Variants in RPS6KA1 observed in about 807,000 individuals in gnomAD.
The protein encoded by RPS6KA1 is ribosomal protein S6 kinase alpha-1.
Under a neutral mutation model 91.3 loss-of-function variants are expected in RPS6KA1, and 48 were observed. That is an observed-to-expected ratio of 0.53 (90% CI 0.42 to 0.67). The LOEUF (loss-of-function observed/expected upper bound fraction) is 0.67. Ranked by LOEUF, RPS6KA1 falls within the 30% of genes least tolerant of loss-of-function variation. RPS6KA1 has a pLI of 0.00. For missense variants in RPS6KA1, 719 were observed against 960.5 expected, an observed-to-expected ratio of 0.75 and a Z score of 3.32; for synonymous variants, 359 against 384.7, an observed-to-expected ratio of 0.93 and a Z score of 0.78.
chr1:26,531,393 T>A (rs2075866579), intron 1 of RPS6KA1: 1 of 152,214 alleles, frequency 6.6e-6, no homozygotes, highest in Non-Finnish European at 1.5e-5. Context: ...AGAGGTGGAT[T>A]CCTTTGCCCA....
chr1:26,574,050 G>A lies in RPS6KA1; in HGVS notation c.2086-29G>A, dbSNP rs1451518418. 6.2e-7 allele frequency: 1 copy of A among 1,607,828 alleles called. No homozygotes were observed. Among genetic ancestry groups the A allele is most frequent in the African/African-American group, 1.3e-5 (1 of 74,922 alleles). On this transcript the variant is annotated intron_variant, in intron 21 of 21. Transcript: ENST00000374168. The surrounding 1 kb of genome is among the most constrained non-coding windows in gnomAD (Gnocchi z 4.3). ...CCTCCCCGCTACATCTCCCACCATTGTGACCTGACCTCCCCACTTCTCTTT... is the reference window on the plus strand; with the variant it reads ...CCTCCCCGCTACATCTCCCACCATTATGACCTGACCTCCCCACTTCTCTTT...
At chr1:26,537,299 G>T (rs1001484993) in intron 2 of RPS6KA1, among the ~76,000 whole-genome samples, 1 of 152,218 alleles carries the variant, frequency 6.6e-6, no homozygotes, top group South Asian at 2.1e-4. Flanking sequence ...GAGGGGCTCA[G>T]GCCAGCTGTC....
chr1:26,553,892 T>C, intron 7 of RPS6KA1: 1 of 312,108 alleles, frequency 3.2e-6, no homozygotes, highest in South Asian at 6.3e-5. Context: ...AGCCCTGTAT[T>C]CAAATCCTGT....
Position 26,554,792 on chromosome 1 carries a change from C to T in RPS6KA1, c.756+54C>T, listed in dbSNP as rs539148551. 7.1e-6 allele frequency: 11 copies of T among 1,553,070 alleles called. No homozygotes were observed. Among genetic ancestry groups the T allele is most frequent in the Non-Finnish European group, 9.6e-6 (11 of 1,144,220 alleles). ...CAGCCCAAGCCTCTGGCCTCAGTCT[C>T]CCTATCTGTACAGTGAGGGGGTTGA... On this transcript the variant is annotated intron_variant, in intron 9 of 21. Coordinates refer to ENST00000374168, the MANE Select transcript of RPS6KA1 (RefSeq NM_002953.4). The surrounding 1 kb of genome is among the most constrained non-coding windows in gnomAD (Gnocchi z 4.6).
chr1:26,556,737 A>G lies in RPS6KA1; in HGVS notation c.981+19A>G. On this transcript the variant is annotated intron_variant, in intron 12 of 21. Transcript: ENST00000374168. ...CTGGAATGTGAGTGTGTCCACCCAC[A>G]CCAGGGCTCTGGCCAGGGCTCAGCC... The G allele has an allele frequency of 6.2e-7, 1 of 1,613,840 alleles. No homozygotes were observed. Among genetic ancestry groups the G allele is most frequent in the Non-Finnish European group, 8.5e-7 (1 of 1,179,758 alleles).
At chr1:26,533,233 C>A (rs562287697) in intron 1 of RPS6KA1, among the ~76,000 whole-genome samples, 1 of 152,144 alleles carries the variant, frequency 6.6e-6, no homozygotes. Flanking sequence ...GCCCGTGTCA[C>A]CATGCCCAGC....
At chr1:26,537,878 A>G (rs1329061640) in intron 2 of RPS6KA1, among the ~76,000 whole-genome samples, 3 of 152,240 alleles carry the variant, frequency 2.0e-5, no homozygotes, top group Non-Finnish European at 4.4e-5. Context: ...AATGTGAAGG[A>G]CGATGAGATA....
At chr1:26,573,025 G>C (rs1288134378) in intron 20 of RPS6KA1, among the ~76,000 whole-genome samples, 199 bp from the exon 21 acceptor site, 2 of 152,226 alleles carry the variant, frequency 1.3e-5, no homozygotes, top group African/African-American at 2.4e-5. Flanking sequence ...CCAGGACGAA[G>C]GGCCTAGAGC....
Position 26,555,006 on chromosome 1 carries a change from A to T in RPS6KA1, c.757-145A>T. The T allele has an allele frequency of 2.2e-6, 2 of 892,830 alleles. No individual in the cohort carries two copies. The highest frequency in any genetic ancestry group is 3.5e-6 in the Non-Finnish European group (2 of 577,886). The allele number at this position is 892,830 out of a possible 1,614,324, so 55.3% of individuals were successfully genotyped here. On this transcript the variant is annotated intron_variant, in intron 9 of 21. Transcript: ENST00000374168. The surrounding 1 kb of genome is among the most constrained non-coding windows in gnomAD (Gnocchi z 4.3). The stretch of plus-strand genomic sequence containing the variant: ...TGGTGGTCTGGTTGGCAGAGGCAAG[A>T]GGGACGGGCATAATTCTTGCTCCAG...
intron 17 of RPS6KA1, among the ~76,000 whole-genome samples, chr1:26,568,157 G>C (rs1216192644): frequency 6.6e-6 from 1 of 152,224 alleles, no homozygotes; most frequent in East Asian, 1.9e-4. Flanking sequence ...GTGACTGTCA[G>C]CTGGAGCCAG....
intron 4 of RPS6KA1, among the ~76,000 whole-genome samples, chr1:26,550,374 G>A (rs1009957985): frequency 6.6e-6 from 1 of 151,716 alleles, no homozygotes; most frequent in Admixed American, 6.6e-5. Context: ...ACTAGAGACA[G>A]GGTTTCACCA....
chr1:26,543,934 G>A (rs538007143), intron 2 of RPS6KA1: 1 of 386,064 alleles, frequency 2.6e-6, no homozygotes, highest in East Asian at 7.3e-5. Context: ...TACTGTCTGG[G>A]TCCCCCTCAG....
intron 4 of RPS6KA1, among the ~76,000 whole-genome samples, chr1:26,548,230 T>C (rs1462429088): frequency 6.6e-6 from 1 of 152,076 alleles, no homozygotes; most frequent in African/African-American, 2.4e-5. Flanking sequence ...GGGTCCCTGC[T>C]GTGAAGGGCT....
At chr1:26,570,023 A>T (rs535944768) in intron 17 of RPS6KA1, among the ~76,000 whole-genome samples, 2 of 152,266 alleles carry the variant, frequency 1.3e-5, no homozygotes, top group South Asian at 2.1e-4. Context: ...AGATGAGAAC[A>T]TGAGGAGTTT....
Position 26,529,934 on chromosome 1 carries a change from A to AGCTCAAGGAGCCCTGGCC in RPS6KA1, c.20_37dup (p.Lys7_Leu12dup), listed in dbSNP as rs2075855484. 4.2e-6 allele frequency: 6 copies of AGCTCAAGGAGCCCTGGCC among 1,431,546 alleles called. No homozygotes were observed. Among genetic ancestry groups the AGCTCAAGGAGCCCTGGCC allele is most frequent in the Non-Finnish European group, 5.5e-6 (6 of 1,093,112 alleles). The allele number at this position is 1,431,546 out of a possible 1,614,324, so 88.7% of individuals were successfully genotyped here. Reference sequence around the variant, plus strand: ...GGCGGCGGCGAGATGCCGCTCGCCCAGCTCAAGGAGCCCTGGCCGCTCATG... The same window carrying AGCTCAAGGAGCCCTGGCC: ...GGCGGCGGCGAGATGCCGCTCGCCCAGCTCAAGGAGCCCTGGCCGCTCAAGGAGCCCTGGCCGCTCATG... On this transcript the variant is annotated inframe_insertion, in exon 1 of 22. Transcript: ENST00000374168. This position sits in a 1 kb window ranked among gnomAD's most constrained non-coding sequence, Gnocchi z 4.2.
intron 17 of RPS6KA1, among the ~76,000 whole-genome samples, chr1:26,563,809 G>T (rs1017199066): frequency 6.6e-6 from 1 of 152,110 alleles, no homozygotes; most frequent in East Asian, 1.9e-4. Flanking sequence ...TTTTTGGGGG[G>T]GATGGGAATG....
At position 26,556,981 on chromosome 1, in the gene RPS6KA1, C is replaced by G. The variant is rs1268565835; in HGVS notation, c.982-17C>G. ...TGAGGATGCCATGGTGACCAGAGTG[C>G]CCACCCCACTGTGCAGAAGCTATAC... is the stretch of plus-strand genomic sequence containing the variant. On this transcript the variant is annotated splice_polypyrimidine_tract_variant and intron_variant, in intron 12 of 21. Coordinates refer to ENST00000374168, the MANE Select transcript of RPS6KA1 (RefSeq NM_002953.4). The G allele has an allele frequency of 1.9e-6, 3 of 1,592,236 alleles. No individual in the cohort carries two copies. The highest frequency in any genetic ancestry group is 1.7e-4 in the Middle Eastern group (1 of 6,046).
At chr1:26,530,899 G>A in intron 1 of RPS6KA1, 2 of 1,267,466 alleles carry the variant, frequency 1.6e-6, no homozygotes, top group Non-Finnish European at 2.1e-6. Context: ...TGGGAAGGAA[G>A]CAGGTGATAT....
In RPS6KA1 at chr1:26,561,383, T is replaced by A; in HGVS notation, c.1432-122T>A. ...CTCCTTTTGGGGAAGGCAGGACCACTGAAGAGCAAGCAGAACACCTGCCCA... is the reference window on the plus strand; with the variant it reads ...CTCCTTTTGGGGAAGGCAGGACCACAGAAGAGCAAGCAGAACACCTGCCCA... On this transcript the variant is annotated intron_variant, in intron 16 of 21. Transcript: ENST00000374168. The surrounding 1 kb of genome is among the most constrained non-coding windows in gnomAD (Gnocchi z 5.7). The A allele has an allele frequency of 7.7e-7, 1 of 1,305,344 alleles. No homozygotes were observed. Among genetic ancestry groups the A allele is most frequent in the Non-Finnish European group, 1.1e-6 (1 of 921,592 alleles). 80.9% of individuals were successfully genotyped at this position (1,305,344 alleles called of 1,614,324 possible).
Sources: gnomAD v4.1 joint callset for allele counts (sites outside exome capture counted in the v4.1 genomes callset) on GRCh38, gnomAD v4.1.1 for gene constraint, Gnocchi (gnomAD v3.1) non-coding constraint, MANE v1.5 for transcripts, NCBI Gene and HGNC (gene_info 2026-07-23, HGNC 2026-07-21) for gene names.